The following RILPL2 variants were observed in gnomAD, a reference collection of about 807,000 sequenced individuals.
RILPL2 encodes RILP-like protein 2.
In RILPL2, 19 loss-of-function variants were observed where a neutral mutation model predicts 22.2. The ratio of observed to expected loss-of-function variants is 0.86; its 90% CI spans 0.60 to 1.25. The LOEUF (loss-of-function observed/expected upper bound fraction) is 1.25, where lower values mean the gene tolerates loss of function less well. Ranked by LOEUF, RILPL2 falls within the 50% of genes most tolerant of loss-of-function variation. The probability of loss-of-function intolerance (pLI) is 0.00; values close to 1 mark genes in which losing one functional copy is unlikely to be tolerated. For synonymous variants in RILPL2, 123 were observed against 111.6 expected, an observed-to-expected ratio of 1.10 and a Z score of -0.64; for missense variants, 243 against 263.6, an observed-to-expected ratio of 0.92 and a Z score of 0.54.
chr12:123,423,792 T>C (rs1021990123), intron 2 of RILPL2, among the ~76,000 whole-genome samples: 7 of 152,104 alleles, frequency 4.6e-5, no homozygotes, highest in African/African-American at 1.7e-4. Flanking sequence ...TAGCTGGGAC[T>C]ATAGGCGCCC....
intron 3 of RILPL2, among the ~76,000 whole-genome samples, chr12:123,417,619 T>C (rs1879153873): frequency 6.6e-6 from 1 of 152,126 alleles, no homozygotes; most frequent in South Asian, 2.1e-4. Context: ...AGTTTCACTG[T>C]GGTTGCCCAG....
intron 1 of RILPL2, among the ~76,000 whole-genome samples, chr12:123,434,727 G>C (rs1879745091): frequency 6.6e-6 from 1 of 151,892 alleles, no homozygotes; most frequent in African/African-American, 2.4e-5. Context: ...CACCCAGCCA[G>C]ATGATTTTTA....
rs1879095421 is a variant in RILPL2, at chr12:123,415,625, T to C, written c.*266A>G. 2 of 549,832 alleles carry C rather than the reference T, an allele frequency of 3.6e-6. No individual in the cohort carries two copies. Among genetic ancestry groups the C allele is most frequent in the Non-Finnish European group, 3.3e-6 (1 of 306,488 alleles). 34.1% of individuals were successfully genotyped at this position (549,832 alleles called of 1,614,324 possible). On this transcript the variant is annotated 3_prime_UTR_variant, in exon 4 of 4. Coordinates refer to ENST00000280571, the MANE Select transcript of RILPL2 (RefSeq NM_145058.3). ...TGGGGGTTGACATGGGAGCAGGAAG[T>C]GGACCCCCCCACCCTGCACATCCCT...
At chr12:123,424,973 G>A (rs954996455) in intron 2 of RILPL2, among the ~76,000 whole-genome samples, 41 of 151,776 alleles carry the variant, frequency 2.7e-4, no homozygotes, top group African/African-American at 9.2e-4. Flanking sequence ...TCCGCCTCCC[G>A]GGTTCACGCC....
chr12:123,421,230 G>T (rs1277518239), intron 3 of RILPL2, among the ~76,000 whole-genome samples: 3 of 151,896 alleles, frequency 2.0e-5, no homozygotes, highest in African/African-American at 7.3e-5. Context: ...TTTTAATAGA[G>T]TCAGGGTTTC....
chr12:123,433,801 C>T (rs1395460879), intron 1 of RILPL2, among the ~76,000 whole-genome samples: 2 of 152,162 alleles, frequency 1.3e-5, no homozygotes, highest in African/African-American at 4.8e-5. Flanking sequence ...ACCTTGTCTA[C>T]GTTATCTCCA....
In RILPL2 at chr12:123,421,043, C is replaced by CT. The variant is rs543923372; in HGVS notation, c.605+2000dup. ...TCACTAAGTGGGAGCTATGTTAAATCTTTTTTTTTTTTTTTTTGAGACAGG... is the reference window on the plus strand; with the variant it reads ...TCACTAAGTGGGAGCTATGTTAAATCTTTTTTTTTTTTTTTTTTGAGACAGG... On this transcript the variant is annotated intron_variant, in intron 3 of 3. Coordinates refer to ENST00000280571, the MANE Select transcript of RILPL2 (RefSeq NM_145058.3). Among the ~76,000 whole-genome samples the CT allele has an allele frequency of 7.4e-3, 1,041 of 139,832 alleles. 3 individuals are homozygous for CT. The highest frequency in any genetic ancestry group is 0.017 in the African/African-American group (659 of 38,296). The allele number at this position is 139,832 out of a possible 152,430, so 91.7% of individuals were successfully genotyped here.
chr12:123,417,804 C>A (rs914580207), intron 3 of RILPL2, among the ~76,000 whole-genome samples: 1 of 152,214 alleles, frequency 6.6e-6, no homozygotes, highest in African/African-American at 2.4e-5. Context: ...AGGTTCGTCT[C>A]GAACTCTGGG....
intron 1 of RILPL2, among the ~76,000 whole-genome samples, chr12:123,433,476 A>G (rs1252391319): frequency 1.3e-5 from 2 of 150,030 alleles, no homozygotes; most frequent in Admixed American, 6.6e-5. Context: ...GTGCAGTGGC[A>G]CGATCTTGGC....
chr12:123,422,225 TAA>T (rs34372731), intron 3 of RILPL2, among the ~76,000 whole-genome samples: 16 of 145,988 alleles, frequency 1.1e-4, no homozygotes, highest in African/African-American at 1.5e-4. Flanking sequence ...ACCAGCTAAT[TAA>T]AAAAAAAAAA....
intron 3 of RILPL2, among the ~76,000 whole-genome samples, chr12:123,416,238 C>T (rs972152651): frequency 1.3e-5 from 2 of 151,680 alleles, no homozygotes; most frequent in Admixed American, 6.6e-5. Context: ...GCAGGAGAAT[C>T]GCTTGAACCC....
Position 123,436,574 on chromosome 12 carries a change from G to C in RILPL2, c.-154C>G, listed in dbSNP as rs973383987. ...TGGGCCCGGGGGGATGGTGCAAGGG[G>C]CCGCGCACGCGACTCTTGGGCCTGC... On this transcript the variant is annotated 5_prime_UTR_variant, in exon 1 of 4. Coordinates refer to ENST00000280571, the MANE Select transcript of RILPL2 (RefSeq NM_145058.3). The surrounding 1 kb of genome is among the most constrained non-coding windows in gnomAD (Gnocchi z 6.7). 5.8e-5 allele frequency: 72 copies of C among 1,240,358 alleles called. No individual in the cohort carries two copies. The African/African-American group carries it at 1.0e-3, about 18-fold the overall frequency. 76.8% of individuals were successfully genotyped at this position (1,240,358 alleles called of 1,614,324 possible). A position where few individuals can be genotyped will look rare whatever the true frequency, so the allele number is the denominator to read the frequency against.
At chr12:123,435,822 G>A (rs1879777537) in intron 1 of RILPL2, among the ~76,000 whole-genome samples, 1 of 151,804 alleles carries the variant, frequency 6.6e-6, no homozygotes, top group South Asian at 2.1e-4. Context: ...CATTAACTGC[G>A]AACTCGTTAG....
chr12:123,419,160 A>G (rs1000114010), intron 3 of RILPL2, among the ~76,000 whole-genome samples: 1 of 150,694 alleles, frequency 6.6e-6, no homozygotes, highest in Non-Finnish European at 1.5e-5. Flanking sequence ...ACAGGCGCCC[A>G]CTACCATGCC....
At chr12:123,410,163 T>C (rs867286897), downstream of RILPL2, among the ~76,000 whole-genome samples, 10 of 152,340 alleles carry the variant, frequency 6.6e-5, no homozygotes, top group East Asian at 1.2e-3. Flanking sequence ...TTAATGCATT[T>C]TGAGCCTTAG....
At chr12:123,434,243 A>AC (rs1335197217) in intron 1 of RILPL2, among the ~76,000 whole-genome samples, 2 of 151,572 alleles carry the variant, frequency 1.3e-5, no homozygotes, top group East Asian at 1.9e-4. Flanking sequence ...ACATGGTGAG[A>AC]CCCCCATCTC....
rs954750086 is a variant in RILPL2, at chr12:123,415,677, T to C, written c.*214A>G. The C allele has an allele frequency of 3.0e-6, 2 of 668,154 alleles. No individual in the cohort carries two copies. The highest frequency in any genetic ancestry group is 5.4e-6 in the Non-Finnish European group (2 of 370,754). The allele number at this position is 668,154 out of a possible 1,614,324, so 41.4% of individuals were successfully genotyped here. A position where few individuals can be genotyped will look rare whatever the true frequency, so the allele number is the denominator to read the frequency against. On this transcript the variant is annotated 3_prime_UTR_variant, in exon 4 of 4. Transcript: ENST00000280571. Reference sequence around the variant, plus strand: ...CTGTTTTTCTTGATTTCAGTCTCACTGGCCCAGGCCAAATCTTCAAGGGTG... The same window carrying C: ...CTGTTTTTCTTGATTTCAGTCTCACCGGCCCAGGCCAAATCTTCAAGGGTG...
intron 2 of RILPL2, among the ~76,000 whole-genome samples, chr12:123,423,870 G>T (rs1474126857): frequency 6.6e-6 from 1 of 151,212 alleles, no homozygotes. Flanking sequence ...AGCCAGGATG[G>T]TCTCAATCTC....
Position 123,436,384 on chromosome 12 carries a change from C to T in RILPL2, c.37G>A (p.Glu13Lys), listed in dbSNP as rs1192689630. 5 of 1,551,594 alleles carry T rather than the reference C, an allele frequency of 3.2e-6. No homozygotes were observed. Among genetic ancestry groups the T allele is most frequent in the East Asian group, 4.9e-5 (2 of 40,970 alleles). ...TCCCTCTCCTCGTCCTCCTCTCCCT[C>T]CTCCTCTTCCTCTTCTCGCACAGGG... ...EPPVREEEEE[E>K]GEEDEERDEV... Residue 13 changes from glutamate (E) to lysine (K), a missense_variant, in exon 1 of 4, where the codon GAG (glutamate) becomes AAG (lysine). By Grantham distance (56) the Glu-to-Lys change is moderately conservative (BLOSUM62 1). Coordinates refer to ENST00000280571, the MANE Select transcript of RILPL2 (RefSeq NM_145058.3). The surrounding 1 kb of genome is among the most constrained non-coding windows in gnomAD (Gnocchi z 6.7).
Sources: allele counts gnomAD v4.1 joint callset (sites outside exome capture counted in the v4.1 genomes callset), GRCh38; gene constraint gnomAD v4.1.1; non-coding constraint Gnocchi (gnomAD v3.1); transcripts MANE v1.5; gene names NCBI Gene and HGNC (gene_info 2026-07-23, HGNC 2026-07-21).